The following ETV6 variants were observed in gnomAD, a reference collection of about 807,000 sequenced individuals.
ETV6 encodes the protein transcription factor ETV6.
In ETV6, 16 loss-of-function variants were observed where a neutral mutation model predicts 51.1. That is an observed-to-expected ratio of 0.31 (90% CI 0.21 to 0.48). The LOEUF (loss-of-function observed/expected upper bound fraction) is 0.48, where lower values mean the gene tolerates loss of function less well. ETV6 is among the 20% of genes least tolerant of loss of function. The pLI is 0.99. For synonymous variants in ETV6, 240 were observed against 224.1 expected (o/e 1.07, Z -0.64); for missense variants, 458 against 594.8 (o/e 0.77, Z 2.39).
At chr12:11,657,717 A>G (rs931332938) in intron 1 of ETV6, among the ~76,000 whole-genome samples, 2 of 152,182 alleles carry the variant, frequency 1.3e-5, no homozygotes, top group African/African-American at 4.8e-5. Flanking sequence ...AATGACCCAA[A>G]AAGGACGCAT....
intron 4 of ETV6, among the ~76,000 whole-genome samples, chr12:11,862,685 T>C (rs937450932): frequency 2.0e-5 from 3 of 152,232 alleles, no homozygotes; most frequent in Non-Finnish European, 4.4e-5. Flanking sequence ...ACCAGTCATA[T>C]TGGATGTTTA....
At chr12:11,881,071 G>A (rs1485515602) in intron 5 of ETV6, among the ~76,000 whole-genome samples, 1 of 152,038 alleles carries the variant, frequency 6.6e-6, no homozygotes, top group Non-Finnish European at 1.5e-5. Flanking sequence ...CCAACTAGCT[G>A]GGATTACAGG....
At chr12:11,729,336 AG>A (rs1449081587) in intron 1 of ETV6, among the ~76,000 whole-genome samples, 1 of 152,192 alleles carries the variant, frequency 6.6e-6, no homozygotes, top group Admixed American at 6.5e-5. Context: ...CTAGAATTGA[AG>A]GCCTGTTCAA....
chr12:11,724,959 C>T (rs1865460299), intron 1 of ETV6, among the ~76,000 whole-genome samples: 1 of 152,144 alleles, frequency 6.6e-6, no homozygotes. Flanking sequence ...GTCTTATCCT[C>T]CTGCCCTGAG....
chr12:11,751,179 T>C (rs1422167727), intron 1 of ETV6, among the ~76,000 whole-genome samples: 1 of 152,212 alleles, frequency 6.6e-6, no homozygotes, highest in Non-Finnish European at 1.5e-5. Flanking sequence ...TGCCAGACTT[T>C]CTAGGCTATG....
At chr12:11,682,726 G>C (rs1591605808) in intron 1 of ETV6, among the ~76,000 whole-genome samples, 1 of 152,130 alleles carries the variant, frequency 6.6e-6, no homozygotes. Flanking sequence ...ACCATAAAAA[G>C]TCTTTAATCC....
At chr12:11,757,428 A>C (rs1276331605) in intron 2 of ETV6, among the ~76,000 whole-genome samples, 1 of 13,622 alleles carries the variant, frequency 7.3e-5, no homozygotes, top group Non-Finnish European at 3.2e-4. Flanking sequence ...GTTTGTTCCC[A>C]AAAAAAAAGA....
chr12:11,675,012 C>G (rs1353781851), intron 1 of ETV6, among the ~76,000 whole-genome samples: 1 of 152,212 alleles, frequency 6.6e-6, no homozygotes, highest in Non-Finnish European at 1.5e-5. Flanking sequence ...TACAGCCAGG[C>G]CCTCCGTCAG....
At chr12:11,738,372 A>G (rs1231158913) in intron 1 of ETV6, among the ~76,000 whole-genome samples, 1 of 146,046 alleles carries the variant, frequency 6.8e-6, no homozygotes, top group Non-Finnish European at 1.5e-5. Context: ...GCTGGAGTGC[A>G]GTGGCGCAGT....
chr12:11,716,067 A>C (rs1395007766), intron 1 of ETV6, among the ~76,000 whole-genome samples: 1 of 152,202 alleles, frequency 6.6e-6, no homozygotes, highest in South Asian at 2.1e-4. Context: ...CCTTGTGTTT[A>C]AGACCATTTG....
chr12:11,869,612 G>A lies in ETV6; in HGVS notation c.652G>A (p.Ala218Thr). 3 of 1,614,144 alleles carry A rather than the reference G, an allele frequency of 1.9e-6. No individual in the cohort carries two copies. The highest frequency in any genetic ancestry group is 1.7e-5 in the Admixed American group (1 of 60,012). Residue 218 changes from alanine to threonine, a missense_variant, in exon 5 of 8, where the codon GCT becomes ACT. This residue lies in a region of ETV6 where 293 missense variants were observed against 315.7 expected (regional missense o/e 0.93). Transcript: ENST00000396373. This position sits in a 1 kb window ranked among gnomAD's most constrained non-coding sequence, Gnocchi z 5.0. Reference protein sequence around the residue: ...MIRRLSPAERAQGPRPHQENN... With the variant: ...MIRRLSPAERTQGPRPHQENN... ...CCGCCGCCTCTCCCCGGCTGAGAGA[G>A]CTCAGGGACCCAGGCCGCACCAGGA...
At chr12:11,800,434 C>T (rs1224474009) in intron 2 of ETV6, among the ~76,000 whole-genome samples, 3 of 152,124 alleles carry the variant, frequency 2.0e-5, no homozygotes, top group Admixed American at 6.5e-5. Flanking sequence ...TAAAATCTAC[C>T]ATCTTCATAA....
rs142050275 is a variant in ETV6, at chr12:11,763,570, T to G, written c.163+10991T>G. ...CTTATGAAAGAAAATAAGCTTTTCT[T>G]TTGATTCTTAGAGAAAAATTTTTGC... is the stretch of plus-strand genomic sequence containing the variant. On this transcript the variant is annotated intron_variant, in intron 2 of 7. Transcript: ENST00000396373. Among the ~76,000 whole-genome samples the G allele has an allele frequency of 9.6e-4, 147 of 152,356 alleles. 1 individual carries two copies. The highest frequency in any genetic ancestry group is 3.5e-3 in the African/African-American group (146 of 41,578).
intron 1 of ETV6, 30 bp from the exon 2 acceptor site, chr12:11,752,420 C>G (rs763381202): frequency 3.4e-5 from 55 of 1,596,128 alleles, no homozygotes; most frequent in East Asian, 4.5e-5. Flanking sequence ...CTCTCTCCCC[C>G]TCCCCTCTTC....
In ETV6 at chr12:11,891,459, T is replaced by TTATA. The variant is rs34166149; in HGVS notation, c.*421_*424dup. ...GTTTTCCTATGGAAATATATATCTA[T>TTATA]TATATATATATTTTTTGCAAATCTC... On this transcript the variant is annotated 3_prime_UTR_variant, in exon 8 of 8. Transcript: ENST00000396373. The TTATA allele has an allele frequency of 1.2e-4, 52 of 445,836 alleles. 1 individual carries two copies. The highest frequency in any genetic ancestry group is 1.7e-4 in the Admixed American group (5 of 29,392). The allele number at this position is 445,836 out of a possible 1,614,324, so 27.6% of individuals were successfully genotyped here. A position where few individuals can be genotyped will look rare whatever the true frequency, so the allele number is the denominator to read the frequency against.
intron 1 of ETV6, among the ~76,000 whole-genome samples, chr12:11,701,719 A>T (rs1468302042): frequency 6.6e-6 from 1 of 152,132 alleles, no homozygotes; most frequent in Non-Finnish European, 1.5e-5. Context: ...GGTCTTGTAG[A>T]AGAGAAAACC....
At chr12:11,665,480 A>G (rs191828388) in intron 1 of ETV6, among the ~76,000 whole-genome samples, 1 of 152,320 alleles carries the variant, frequency 6.6e-6, no homozygotes, top group Non-Finnish European at 1.5e-5. Context: ...TATCATCCAC[A>G]CTAGACTGAA....
Position 11,821,328 on chromosome 12 carries a change from T to C in ETV6, c.164-17812T>C, listed in dbSNP as rs147904970. ...TTACAGTGAGCCGAGATGGCGCCAC[T>C]GCACTCCAGCCTGGGCAACAGAGTG... is the stretch of plus-strand genomic sequence containing the variant. On this transcript the variant is annotated intron_variant, in intron 2 of 7. Coordinates refer to ENST00000396373, the MANE Select transcript of ETV6 (RefSeq NM_001987.5). Among the ~76,000 whole-genome samples the C allele has an allele frequency of 1.2e-3, 180 of 152,184 alleles. 2 individuals carry two copies. Among genetic ancestry groups the C allele is most frequent in the African/African-American group, 4.2e-3 (175 of 41,512 alleles).
In ETV6 at chr12:11,891,519, G is replaced by A. The variant is rs1947286982; in HGVS notation, c.*473G>A. On this transcript the variant is annotated 3_prime_UTR_variant, in exon 8 of 8. Transcript: ENST00000396373. ...GGCAAGCCCAGCTGGTCAGGAAAGA[G>A]AATACTTGCAGAGGGGTTCAGGTTC... The A allele has an allele frequency of 1.9e-6, 1 of 529,948 alleles. No homozygotes were observed. Among genetic ancestry groups the A allele is most frequent in the Admixed American group, 2.3e-5 (1 of 44,076 alleles). The allele number at this position is 529,948 out of a possible 1,614,324, so 32.8% of individuals were successfully genotyped here. A position where few individuals can be genotyped will look rare whatever the true frequency, so the allele number is the denominator to read the frequency against.
Sources: gnomAD v4.1 joint callset for allele counts (sites outside exome capture counted in the v4.1 genomes callset) on GRCh38, gnomAD v4.1.1 for gene constraint, gnomAD v4.1.1 regional missense constraint, Gnocchi (gnomAD v3.1) non-coding constraint, MANE v1.5 for transcripts, NCBI Gene and HGNC (gene_info 2026-07-23, HGNC 2026-07-21) for gene names.